Variants in SPATA6 observed in about 807,000 individuals in gnomAD.
SPATA6 encodes spermatogenesis-associated protein 6.
Under a neutral mutation model 65.3 loss-of-function variants are expected in SPATA6, and 56 were observed. That is an observed-to-expected ratio of 0.86 (90% confidence interval 0.69 to 1.07). The LOEUF (loss-of-function observed/expected upper bound fraction) is 1.07, where lower values mean the gene tolerates loss of function less well. SPATA6 is among the 50% of genes least tolerant of loss of function. SPATA6 has a pLI of 0.00. For synonymous variants in SPATA6, 199 were observed against 213.2 expected (o/e 0.93, Z 0.58); for missense variants, 590 against 594.8 (o/e 0.99, Z 0.08).
At chr1:48,289,220 A>AC in the SPATA6 span, among the ~76,000 whole-genome samples, 1 of 152,212 alleles carries the variant, frequency 6.6e-6, no homozygotes, top group Admixed American at 6.5e-5. Context: ...CGCTGGTGAT[A>AC]CCCAGGGGAA....
chr1:48,453,029 GA>G lies in SPATA6; in HGVS notation c.153del (p.Leu53TrpfsTer17). The part of the protein sequence containing the change: ...YKKTQCVPAT[F>X]PLVFNARMVF... ...ACCATTCTGGCATTGAAGACCAGGG[GA>G]AAAGTGGCTGGGACACATTGTGTCT... On this transcript the variant is annotated frameshift_variant, in exon 2 of 13. Coordinates refer to ENST00000371847, the MANE Select transcript of SPATA6 (RefSeq NM_019073.4). LOFTEE classifies it high-confidence loss of function. 1 of 1,613,792 alleles carries G rather than the reference GA, an allele frequency of 6.2e-7. No individual in the cohort carries two copies. The highest frequency in any genetic ancestry group is 8.5e-7 in the Non-Finnish European group (1 of 1,179,892).
chr1:48,422,852 A>T (rs1338972601), intron 3 of SPATA6, among the ~76,000 whole-genome samples: 2 of 152,222 alleles, frequency 1.3e-5, no homozygotes, highest in East Asian at 3.8e-4. Flanking sequence ...TTCACCCATA[A>T]GAATATACCA....
chr1:48,322,751 A>G (rs1187526237), intron 11 of SPATA6, among the ~76,000 whole-genome samples: 4 of 152,124 alleles, frequency 2.6e-5, no homozygotes, highest in African/African-American at 9.7e-5. Flanking sequence ...CCATCAAAAA[A>G]TGGGTGAAGG....
the SPATA6 span, among the ~76,000 whole-genome samples, chr1:48,270,754 C>CA: frequency 2.7e-5 from 4 of 150,134 alleles, no homozygotes; most frequent in Non-Finnish European, 5.9e-5. Flanking sequence ...TCCCACTCCA[C>CA]AAAAAAACCT....
intron 11 of SPATA6, among the ~76,000 whole-genome samples, chr1:48,334,248 GAGGAGGAGCTA>G (rs1645997670): frequency 6.6e-6 from 1 of 151,832 alleles, no homozygotes; most frequent in Non-Finnish European, 1.5e-5. Context: ...CCCCAAAATT[GAGGAGGAGCTA>G]CTCCTCCTCA....
At chr1:48,319,024 T>C (rs1185301840) in intron 11 of SPATA6, among the ~76,000 whole-genome samples, 1 of 152,112 alleles carries the variant, frequency 6.6e-6, no homozygotes, top group Non-Finnish European at 1.5e-5. Flanking sequence ...GGGGGAGCAA[T>C]CTTTTTAAGA....
Position 48,403,850 on chromosome 1 carries a change from A to T in SPATA6, c.438T>A (p.Thr146=), listed in dbSNP as rs1651421591. The change falls in exon 6 of 13, where the codon ACT becomes ACA. Residue 146 remains threonine (T), a synonymous_variant. Transcript: ENST00000371847. The stretch of plus-strand genomic sequence containing the variant: ...TTATCAGACATTCAGTAATCACTGA[A>T]GTCGTAGAAAATTCCAGCCTTGGAG... ...GNAPRLEFST[T]SVITECLISS... is the part of the protein sequence containing the mutation. 3.1e-6 allele frequency: 5 copies of T among 1,610,772 alleles called. No individual in the cohort carries two copies. The highest frequency in any genetic ancestry group is 4.2e-6 in the Non-Finnish European group (5 of 1,178,718).
At chr1:48,312,914 A>G (rs1645267016) in intron 11 of SPATA6, among the ~76,000 whole-genome samples, 1 of 152,254 alleles carries the variant, frequency 6.6e-6, no homozygotes, top group Admixed American at 6.5e-5. Context: ...AAGCCTCAGT[A>G]GCTGATTCAA....
At chr1:48,292,735 C>T (rs1644776519), downstream of SPATA6, among the ~76,000 whole-genome samples, 1 of 152,262 alleles carries the variant, frequency 6.6e-6, no homozygotes, top group Non-Finnish European at 1.5e-5. Flanking sequence ...ATAAGCAGTG[C>T]TTGCATGCAC....
intron 7 of SPATA6, among the ~76,000 whole-genome samples, chr1:48,398,720 AAACCCT>A (rs887539136): frequency 3.3e-5 from 5 of 151,788 alleles, no homozygotes; most frequent in African/African-American, 4.8e-5. Flanking sequence ...TTCTGATTAT[AAACCCT>A]TAAATTTAGC....
At chr1:48,357,795 C>A (rs1646700130) in intron 10 of SPATA6, among the ~76,000 whole-genome samples, 1 of 151,984 alleles carries the variant, frequency 6.6e-6, no homozygotes. Flanking sequence ...CCTTTAGAGA[C>A]AAGATATTTA....
intron 5 of SPATA6, among the ~76,000 whole-genome samples, chr1:48,410,647 C>A (rs890054016): frequency 5.3e-5 from 8 of 151,520 alleles, no homozygotes; most frequent in Non-Finnish European, 1.2e-4. Context: ...AGGAAACTTA[C>A]AATCACAGTG....
At chr1:48,423,850 A>C (rs1321372743) in intron 3 of SPATA6, among the ~76,000 whole-genome samples, 1 of 151,960 alleles carries the variant, frequency 6.6e-6, no homozygotes, top group Non-Finnish European at 1.5e-5. Context: ...TCCTGCTTTA[A>C]TTATTTTTTA....
chr1:48,469,386 A>G (rs919277890), intron 1 of SPATA6, among the ~76,000 whole-genome samples: 3 of 151,886 alleles, frequency 2.0e-5, no homozygotes, highest in Non-Finnish European at 2.9e-5. Flanking sequence ...ATAGATACAG[A>G]GTGATCTCCA....
In SPATA6 at chr1:48,413,279, T is replaced by C. The variant is rs1249569671; in HGVS notation, c.239-128A>G. ...GACTACATATATGTTTATATATTAGTATATAATGTACACTTCTTTTTTTTT... is the reference window on the plus strand; with the variant it reads ...GACTACATATATGTTTATATATTAGCATATAATGTACACTTCTTTTTTTTT... On this transcript the variant is annotated intron_variant, in intron 3 of 12. Transcript: ENST00000371847. 1.1e-5 allele frequency: 3 copies of C among 283,324 alleles called. No homozygotes were observed. In the East Asian group the frequency reaches 2.6e-4, roughly 24 times the overall value. The allele number at this position is 283,324 out of a possible 1,614,324, so 17.6% of individuals were successfully genotyped here.
chr1:48,443,191 A>C (rs1420007044), intron 3 of SPATA6, among the ~76,000 whole-genome samples: 7 of 152,256 alleles, frequency 4.6e-5, no homozygotes, highest in Admixed American at 3.9e-4. Context: ...TTCTAAGTGA[A>C]TATGGACTGA....
At chr1:48,380,781 A>G (rs1432410594) in intron 9 of SPATA6, among the ~76,000 whole-genome samples, 1 of 151,964 alleles carries the variant, frequency 6.6e-6, no homozygotes. Context: ...TAAATTTTAA[A>G]TGTTAGGATG....
In SPATA6 at chr1:48,309,377, G is replaced by T. The variant is rs571297823; in HGVS notation, c.1195-3499C>A. 1.2e-4 allele frequency among the ~76,000 whole-genome samples: 18 copies of T among 152,168 alleles called. No individual in the cohort carries two copies. In the South Asian group the frequency reaches 1.7e-3, roughly 14 times the overall value. ...ATTTTCTTCTGCCTGCTCGTAGGGTGCCAATGAGTCCTTCTAATAAATTTT... is the reference window on the plus strand; with the variant it reads ...ATTTTCTTCTGCCTGCTCGTAGGGTTCCAATGAGTCCTTCTAATAAATTTT... On this transcript the variant is annotated intron_variant, in intron 11 of 12. Coordinates refer to ENST00000371847, the MANE Select transcript of SPATA6 (RefSeq NM_019073.4).
intron 11 of SPATA6, among the ~76,000 whole-genome samples, chr1:48,350,585 G>A (rs986447532): frequency 6.6e-6 from 1 of 151,698 alleles, no homozygotes; most frequent in Admixed American, 6.6e-5. Context: ...TACACGCCAA[G>A]GGGCTTTTAA....
Sources: gnomAD v4.1 joint callset for allele counts (sites outside exome capture counted in the v4.1 genomes callset) on GRCh38, gnomAD v4.1.1 for gene constraint, MANE v1.5 for transcripts, NCBI Gene and HGNC (gene_info 2026-07-23, HGNC 2026-07-21) for gene names.